Variants in RNF20 observed in about 807,000 individuals in gnomAD.
RNF20 encodes E3 ubiquitin-protein ligase BRE1A.
RNF20 carries 84 observed loss-of-function variants against 126.2 expected under a neutral mutation model. The observed-to-expected ratio is 0.67, with a 90% CI of 0.56 to 0.80. The LOEUF is 0.80. Ranked by LOEUF, RNF20 falls within the 30% of genes least tolerant of loss-of-function variation. RNF20 has a pLI of 0.00. For missense variants in RNF20, 869 were observed against 1,188.2 expected, an observed-to-expected ratio of 0.73 and a Z score of 3.95; for synonymous variants, 400 against 414.3, an observed-to-expected ratio of 0.97 and a Z score of 0.42.
intron 16 of RNF20, among the ~76,000 whole-genome samples, chr9:101,559,937 T>C (rs1445807651): frequency 1.3e-5 from 2 of 152,188 alleles, no homozygotes; most frequent in Non-Finnish European, 2.9e-5. Context: ...TCCAGTGCCA[T>C]GTTGAATGGA....
intron 15 of RNF20, among the ~76,000 whole-genome samples, chr9:101,556,185 T>A (rs995349236): frequency 1.3e-5 from 2 of 152,200 alleles, no homozygotes; most frequent in Non-Finnish European, 2.9e-5. Context: ...GTGCTTTTTT[T>A]AAGTTTTGCT....
intron 14 of RNF20, 125 bp from the exon 15 acceptor site, chr9:101,554,569 C>T (rs2118725289): frequency 1.4e-6 from 1 of 710,084 alleles, no homozygotes; most frequent in Non-Finnish European, 2.3e-6. Flanking sequence ...ATATTATGTA[C>T]CTTGTTCTAT....
chr9:101,550,777 C>G lies in RNF20; in HGVS notation c.1264C>G (p.Leu422Val). The G allele has an allele frequency of 6.2e-7, 1 of 1,614,104 alleles. No homozygotes were observed. The highest frequency in any genetic ancestry group is 8.5e-7 in the Non-Finnish European group (1 of 1,179,944). Residue 422 changes from leucine (L) to valine (V), a missense_variant, in exon 10 of 20, where the codon CTT becomes GTT. Coordinates refer to ENST00000389120, the MANE Select transcript of RNF20 (RefSeq NM_019592.7). ...TRGTHQHQVE[L>V]IERDEVSLHK... The stretch of plus-strand genomic sequence containing the variant: ...AGGAACCCACCAGCACCAGGTTGAG[C>G]TTATTGAGGTAATAGCCTTGCCTTG...
In RNF20 at chr9:101,554,858, T is replaced by A. The variant is rs770047161; in HGVS notation, c.2169+15T>A. 1 of 1,392,894 alleles carries A rather than the reference T, an allele frequency of 7.2e-7. No homozygotes were observed. Among genetic ancestry groups the A allele is most frequent in the South Asian group, 1.9e-5 (1 of 52,658 alleles). The allele number at this position is 1,392,894 out of a possible 1,614,324, so 86.3% of individuals were successfully genotyped here. A position where few individuals can be genotyped will look rare whatever the true frequency, so the allele number is the denominator to read the frequency against. ...TGGCCAAGCAGGTGGACTCACTTTCTTTATTTAATTGACTTTTTGAGTAAA... is the reference window on the plus strand; with the variant it reads ...TGGCCAAGCAGGTGGACTCACTTTCATTATTTAATTGACTTTTTGAGTAAA... On this transcript the variant is annotated intron_variant, in intron 15 of 19. Coordinates refer to ENST00000389120, the MANE Select transcript of RNF20 (RefSeq NM_019592.7).
At chr9:101,558,421 C>T (rs763636348) in intron 16 of RNF20, among the ~76,000 whole-genome samples, 29 of 152,152 alleles carry the variant, frequency 1.9e-4, no homozygotes, top group African/African-American at 2.6e-4. Context: ...GGTAGATACC[C>T]GGAAGTGGGA....
chr9:101,554,182 T>A, intron 14 of RNF20, 77 bp downstream of exon 14: 1 of 791,142 alleles, frequency 1.3e-6, no homozygotes, highest in East Asian at 2.6e-5. Flanking sequence ...TTGCCAACGA[T>A]ATAATTTCTT....
chr9:101,557,339 G>A, intron 15 of RNF20, 45 bp from the exon 16 acceptor site: 1 of 1,415,970 alleles, frequency 7.1e-7, no homozygotes, highest in Admixed American at 1.7e-5. Flanking sequence ...TTCCATTGAA[G>A]TTGGAAGATT....
chr9:101,536,044 A>C (rs948794047), intron 2 of RNF20, among the ~76,000 whole-genome samples: 1 of 152,214 alleles, frequency 6.6e-6, no homozygotes, highest in African/African-American at 2.4e-5. Flanking sequence ...CTGCTACATT[A>C]GATTTTTATG....
intron 16 of RNF20, among the ~76,000 whole-genome samples, chr9:101,560,200 T>A (rs1827603276): frequency 6.6e-6 from 1 of 152,184 alleles, no homozygotes. Flanking sequence ...TGTATCAGAT[T>A]TATTGACTTG....
intron 16 of RNF20, among the ~76,000 whole-genome samples, chr9:101,558,593 G>GC (rs1158971249): frequency 6.6e-6 from 1 of 152,026 alleles, no homozygotes; most frequent in Non-Finnish European, 1.5e-5. Context: ...TTTGATTATG[G>GC]CCATTCCTGC....
At chr9:101,550,456 C>T (rs1827424446) in intron 9 of RNF20, 150 bp from the exon 10 acceptor site, 3 of 673,358 alleles carry the variant, frequency 4.5e-6, no homozygotes, top group Non-Finnish European at 5.2e-6. Flanking sequence ...GTAGATTTTA[C>T]ATAACTACAG....
At chr9:101,538,178 A>G (rs1588215947) in intron 2 of RNF20, among the ~76,000 whole-genome samples, 1 of 152,192 alleles carries the variant, frequency 6.6e-6, no homozygotes, top group East Asian at 1.9e-4. Flanking sequence ...TATAGAGGAC[A>G]TGTAGGTACA....
At chr9:101,553,906 C>G in intron 13 of RNF20, 82 bp from the exon 14 acceptor site, 1 of 733,162 alleles carries the variant, frequency 1.4e-6, no homozygotes, top group African/African-American at 1.8e-5. Flanking sequence ...TTAAAATATT[C>G]TGCTCAATCA....
chr9:101,561,901 C>A lies in RNF20; in HGVS notation c.2650-9C>A. The A allele has an allele frequency of 6.3e-7, 1 of 1,593,168 alleles. No homozygotes were observed. ...AAGTGTGTCTAATGGGTATGCTATC[C>A]TGCCACAGGAGGACATCTCTAGACT... On this transcript the variant is annotated splice_polypyrimidine_tract_variant and intron_variant, in intron 18 of 19. Transcript: ENST00000389120.
At chr9:101,557,638 G>T (rs766401799) in intron 16 of RNF20, 42 bp downstream of exon 16, 23 of 1,440,374 alleles carry the variant, frequency 1.6e-5, no homozygotes, top group Non-Finnish European at 2.1e-5. Context: ...TTGAAATAGG[G>T]TGCTTTCTAC....
At chr9:101,535,363 T>G in intron 1 of RNF20, 35 bp from the exon 2 acceptor site, 1 of 1,563,384 alleles carries the variant, frequency 6.4e-7, no homozygotes, top group Non-Finnish European at 8.7e-7. Context: ...TTTGCTTACA[T>G]ATATTATGTC....
chr9:101,545,183 G>C (rs531036442), intron 6 of RNF20, among the ~76,000 whole-genome samples: 1 of 152,024 alleles, frequency 6.6e-6, no homozygotes, highest in Non-Finnish European at 1.5e-5. Flanking sequence ...TCTAAACTTG[G>C]GTGCAAATAA....
At chr9:101,535,348 G>T (rs906442317) in intron 1 of RNF20, 50 bp from the exon 2 acceptor site, 2 of 1,478,522 alleles carry the variant, frequency 1.4e-6, no homozygotes, top group Non-Finnish European at 1.8e-6. Context: ...TTACTCTATT[G>T]TTGCTTTGCT....
chr9:101,543,125 G>A (rs1446095741), intron 5 of RNF20, among the ~76,000 whole-genome samples: 1 of 152,306 alleles, frequency 6.6e-6, no homozygotes, highest in Non-Finnish European at 1.5e-5. Flanking sequence ...TTATTTGGAG[G>A]TTTGGAGTTG....
Sources: allele counts gnomAD v4.1 joint callset (sites outside exome capture counted in the v4.1 genomes callset), GRCh38; gene constraint gnomAD v4.1.1; transcripts MANE v1.5; gene names NCBI Gene and HGNC (gene_info 2026-07-23, HGNC 2026-07-21).